The following NSD1 variants were observed in gnomAD, a reference collection of about 807,000 sequenced individuals.
The protein encoded by NSD1 is histone-lysine N-methyltransferase, H3 lysine-36 specific.
In NSD1, 26 loss-of-function variants were observed where a neutral mutation model predicts 242.7. That is an observed-to-expected ratio of 0.11 (90% confidence interval 0.08 to 0.15). The LOEUF (loss-of-function observed/expected upper bound fraction) is 0.15. Ranked by LOEUF, NSD1 falls within the 10% of genes least tolerant of loss-of-function variation. NSD1 has a pLI of 1.00. For missense variants in NSD1, 2,495 were observed against 3,272.8 expected (o/e 0.76, Z 5.80); for synonymous variants, 1,106 against 1,178.1 (o/e 0.94, Z 1.25).
chr5:177,226,726 A>G (rs937245384), intron 5 of NSD1, among the ~76,000 whole-genome samples: 1 of 152,218 alleles, frequency 6.6e-6, no homozygotes, highest in Non-Finnish European at 1.5e-5. Context: ...AGAAAAGTAC[A>G]GATTGGCATT....
At chr5:177,171,902 C>G (rs191286479) in intron 2 of NSD1, among the ~76,000 whole-genome samples, 4 of 152,336 alleles carry the variant, frequency 2.6e-5, no homozygotes, top group Non-Finnish European at 5.9e-5. Flanking sequence ...AATAATGTCG[C>G]TATGAACATG....
chr5:177,182,447 G>T (rs1184544647), intron 2 of NSD1, among the ~76,000 whole-genome samples: 2 of 152,074 alleles, frequency 1.3e-5, no homozygotes, highest in Non-Finnish European at 2.9e-5. Flanking sequence ...ATTTTTTAGA[G>T]ACAGGGTTTT....
At chr5:177,205,186 G>A (rs1213466749) in intron 4 of NSD1, among the ~76,000 whole-genome samples, 1 of 151,722 alleles carries the variant, frequency 6.6e-6, no homozygotes, top group South Asian at 2.1e-4. Context: ...ATAGGTGCCC[G>A]CCACCACACC....
chr5:177,275,924 C>G (rs951600718), intron 17 of NSD1, among the ~76,000 whole-genome samples: 49 of 152,222 alleles, frequency 3.2e-4, no homozygotes, highest in Middle Eastern at 3.4e-3. Context: ...CAGTTTTGTT[C>G]TTTGTTTGTT....
At position 177,269,393 on chromosome 5, in the gene NSD1, G is replaced by A. The variant is rs780786274; in HGVS notation, c.5304-209G>A. On this transcript the variant is annotated intron_variant, in intron 15 of 22. Coordinates refer to ENST00000439151, the MANE Select transcript of NSD1 (RefSeq NM_022455.5). This position sits in a 1 kb window ranked among gnomAD's most constrained non-coding sequence, Gnocchi z 5.1. ...GTAGAATAATTGAGTCTAAGGGAGT[G>A]CGCGCCTGTGTGGGAATGTGGGCAG... Among the ~76,000 whole-genome samples the A allele has an allele frequency of 2.6e-4, 39 of 152,238 alleles. No homozygotes were observed. Among genetic ancestry groups the A allele is most frequent in the Non-Finnish European group, 5.4e-4 (37 of 68,018 alleles).
chr5:177,185,729 A>T (rs1333551070), intron 2 of NSD1, among the ~76,000 whole-genome samples: 1 of 104,982 alleles, frequency 9.5e-6, no homozygotes, highest in African/African-American at 4.0e-5. Context: ...ATTATATATT[A>T]TATATATTTT....
Position 177,260,108 on chromosome 5 carries a change from A to G in NSD1, c.5086A>G (p.Arg1696Gly), listed in dbSNP as rs554530615. 6.2e-7 allele frequency: 1 copy of G among 1,614,056 alleles called. No individual in the cohort carries two copies. The highest frequency in any genetic ancestry group is 1.3e-5 in the African/African-American group (1 of 75,000). Residue 1696 changes from arginine (R) to glycine (G), a missense_variant, in exon 14 of 23, where the codon AGG becomes GGG. Arg to Gly is a moderately radical substitution (Grantham distance 125). Around this residue, in one of 19 missense-constraint regions of NSD1, gnomAD observed 31 missense variants for 120.2 expected, o/e 0.26. Transcript: ENST00000439151. ...CATCTGCCCTAATCACTTTACCCCT[A>G]GGCGGGGCTGCCGAAATCATGAGCA... ...SIICPNHFTP[R>G]RGCRNHEHVN...
At chr5:177,148,305 A>G (rs1757422084) in intron 2 of NSD1, among the ~76,000 whole-genome samples, 1 of 151,954 alleles carries the variant, frequency 6.6e-6, no homozygotes. Flanking sequence ...TTTAGTAGAG[A>G]TGGGGTTTCA....
At chr5:177,240,372 A>G (rs572598278) in intron 8 of NSD1, among the ~76,000 whole-genome samples, 23 of 148,388 alleles carry the variant, frequency 1.5e-4, no homozygotes, top group Middle Eastern at 3.4e-3. Context: ...CTGGGTATCA[A>G]TTTTTTTTTT....
chr5:177,167,591 A>T (rs1759318101), intron 2 of NSD1, among the ~76,000 whole-genome samples: 2 of 151,864 alleles, frequency 1.3e-5, no homozygotes. Context: ...ATTTTATTCC[A>T]TTGGTCTATA....
intron 5 of NSD1, among the ~76,000 whole-genome samples, chr5:177,231,195 C>T (rs576474993): frequency 3.3e-4 from 50 of 152,300 alleles, no homozygotes; most frequent in African/African-American, 1.2e-3. Flanking sequence ...AAGTGATCCT[C>T]CCGCCTTAGC....
chr5:177,135,694 T>G lies in NSD1; in HGVS notation c.591T>G (p.Thr197=). Residue 197 remains threonine (T), a synonymous_variant, in exon 2 of 23, where the codon ACT becomes ACG. Coordinates refer to ENST00000439151, the MANE Select transcript of NSD1 (RefSeq NM_022455.5). ...TQTNATCNYE[T]KSENGVKVAM... Reference sequence around the variant, plus strand: ...CCAATGCCACCTGCAATTATGAGACTAAATCAGAGAATGGTGTAAAAGTGG... The same window carrying G: ...CCAATGCCACCTGCAATTATGAGACGAAATCAGAGAATGGTGTAAAAGTGG... 6.2e-7 allele frequency: 1 copy of G among 1,614,190 alleles called. No individual in the cohort carries two copies. The highest frequency in any genetic ancestry group is 8.5e-7 in the Non-Finnish European group (1 of 1,180,044).
intron 21 of NSD1, among the ~76,000 whole-genome samples, chr5:177,289,972 C>T (rs953532472): frequency 6.6e-6 from 1 of 151,224 alleles, no homozygotes; most frequent in African/African-American, 2.4e-5. Context: ...GAACTACAGG[C>T]GCCCGCCACC....
chr5:177,251,600 G>A (rs750024351), intron 11 of NSD1, 130 bp from the exon 12 acceptor site: 35 of 831,276 alleles, frequency 4.2e-5, no homozygotes, highest in Admixed American at 2.2e-5. Context: ...CTACAACTAC[G>A]GGCCCTTGCC....
intron 3 of NSD1, 146 bp from the exon 4 acceptor site, chr5:177,203,971 GTGT>G (rs1265039007): frequency 5.3e-6 from 4 of 756,160 alleles, no homozygotes; most frequent in South Asian, 3.0e-5. Flanking sequence ...AATTTTCCTT[GTGT>G]ATGATCTATT....
chr5:177,226,034 G>C (rs1268153969), intron 5 of NSD1, among the ~76,000 whole-genome samples: 1 of 152,138 alleles, frequency 6.6e-6, no homozygotes. Context: ...TTAAGCAGCA[G>C]AGTGTGCCAT....
At chr5:177,158,236 A>C (rs991083601) in intron 2 of NSD1, among the ~76,000 whole-genome samples, 3 of 112,928 alleles carry the variant, frequency 2.7e-5, no homozygotes, top group Non-Finnish European at 3.9e-5. Context: ...TATGGGTTCT[A>C]ATTTCTTTCT....
chr5:177,155,222 C>T (rs987916095), intron 2 of NSD1, among the ~76,000 whole-genome samples: 6 of 152,170 alleles, frequency 3.9e-5, no homozygotes, highest in Non-Finnish European at 7.3e-5. Flanking sequence ...CTCCCTACCT[C>T]AGGGGATCCG....
intron 2 of NSD1, among the ~76,000 whole-genome samples, chr5:177,181,513 A>G (rs866514870): frequency 1.5e-4 from 21 of 139,314 alleles, no homozygotes; most frequent in African/African-American, 5.4e-4. Context: ...GCAACCTCCA[A>G]CTCGCGGGTT....
Sources: allele counts gnomAD v4.1 joint callset (sites outside exome capture counted in the v4.1 genomes callset), GRCh38; gene constraint gnomAD v4.1.1; regional missense constraint gnomAD v4.1.1; non-coding constraint Gnocchi (gnomAD v3.1); transcripts MANE v1.5; gene names NCBI Gene and HGNC (gene_info 2026-07-23, HGNC 2026-07-21).